Variants in PPP1R8 observed in about 807,000 individuals in gnomAD.
The protein encoded by PPP1R8 is nuclear inhibitor of protein phosphatase 1.
A neutral mutation model predicts 31.3 loss-of-function variants in PPP1R8; 4 were observed. The ratio of observed to expected loss-of-function variants is 0.13; its 90% confidence interval spans 0.06 to 0.29. The LOEUF (loss-of-function observed/expected upper bound fraction) is 0.29, where lower values mean the gene tolerates loss of function less well. Among genes scored for constraint, PPP1R8 ranks in the 10% least tolerant of loss-of-function variants. The pLI is 1.00. For synonymous variants in PPP1R8, 170 were observed against 169.7 expected (o/e 1.00, Z -0.01); for missense variants, 254 against 440.1 (o/e 0.58, Z 3.78).
At chr1:27,838,119 G>A (rs1205766362) in intron 2 of PPP1R8, among the ~76,000 whole-genome samples, 1 of 151,808 alleles carries the variant, frequency 6.6e-6, no homozygotes, top group African/African-American at 2.4e-5. Flanking sequence ...GCTGAGGCAG[G>A]AGAATTGCTT....
At chr1:27,848,323 T>C (rs1012929216) in intron 6 of PPP1R8, among the ~76,000 whole-genome samples, 3 of 151,906 alleles carry the variant, frequency 2.0e-5, no homozygotes, top group Admixed American at 6.6e-5. Context: ...GAGAATGGCG[T>C]GAACCCGGGG....
chr1:27,839,555 C>T (rs2089203000), intron 3 of PPP1R8, among the ~76,000 whole-genome samples: 2 of 151,964 alleles, frequency 1.3e-5, no homozygotes, highest in South Asian at 4.1e-4. Flanking sequence ...GAAAAAGGCA[C>T]CCAGGAACTA....
intron 1 of PPP1R8, among the ~76,000 whole-genome samples, chr1:27,831,856 A>G (rs758574472): frequency 6.6e-6 from 1 of 152,174 alleles, no homozygotes; most frequent in Non-Finnish European, 1.5e-5. Flanking sequence ...ACGTTTTTTC[A>G]TGTGCAAATC....
intron 5 of PPP1R8, among the ~76,000 whole-genome samples, chr1:27,843,573 T>C (rs1379477223): frequency 2.0e-5 from 3 of 151,540 alleles, no homozygotes; most frequent in Non-Finnish European, 4.4e-5. Flanking sequence ...GGCAGGAGAA[T>C]TGCTTGAACC....
At chr1:27,831,215 C>A in intron 1 of PPP1R8, 1 of 1,105,404 alleles carries the variant, frequency 9.0e-7, no homozygotes, top group Non-Finnish European at 1.1e-6. Context: ...GTGCCTGGTG[C>A]TCTCGTGGAG....
In PPP1R8 at chr1:27,837,690, T is replaced by C. The variant is rs1184137055; in HGVS notation, c.118-1009T>C. ...TTTGGGAGGCTGAGACAGGAGAATC[T>C]CTTGAACCCGGGAGGCGGAGGTTGC... is the stretch of plus-strand genomic sequence containing the variant. On this transcript the variant is annotated intron_variant, in intron 2 of 6. Transcript: ENST00000311772. Among the ~76,000 whole-genome samples the C allele has an allele frequency of 2.2e-5, 3 of 137,982 alleles. 1 individual carries two copies. Among genetic ancestry groups the C allele is most frequent in the Middle Eastern group, 9.6e-3 (2 of 208 alleles). The allele number at this position is 137,982 out of a possible 152,430, so 90.5% of individuals were successfully genotyped here.
intron 6 of PPP1R8, among the ~76,000 whole-genome samples, chr1:27,847,548 T>A (rs542521130): frequency 6.7e-6 from 1 of 149,248 alleles, no homozygotes; most frequent in African/African-American, 2.5e-5. Context: ...CTGGCCAACA[T>A]GTTGAAACCC....
intron 6 of PPP1R8, among the ~76,000 whole-genome samples, chr1:27,848,328 C>T (rs1464580102): frequency 1.3e-5 from 2 of 152,012 alleles, no homozygotes; most frequent in African/African-American, 4.8e-5. Flanking sequence ...TGGCGTGAAC[C>T]CGGGGGGCAG....
rs922998547 is a variant in PPP1R8, at chr1:27,851,376, C to G, written c.*930C>G. On this transcript the variant is annotated 3_prime_UTR_variant, in exon 7 of 7. Coordinates refer to ENST00000311772, the MANE Select transcript of PPP1R8 (RefSeq NM_014110.5). ...GTTATTCAGAGCTCCAAGACTAGAC[C>G]TGGCTAACAAACATAGGAGACAAAG... 8.6e-6 allele frequency: 3 copies of G among 349,400 alleles called. No homozygotes were observed. Among genetic ancestry groups the G allele is most frequent in the East Asian group, 7.5e-5 (1 of 13,398 alleles). The allele number at this position is 349,400 out of a possible 1,614,324, so 21.6% of individuals were successfully genotyped here.
In PPP1R8 at chr1:27,850,482, G is replaced by GTTTGGGGGGGA; in HGVS notation, c.*36_*37insTTTGGGGGGGA. 3 of 511,080 alleles carry GTTTGGGGGGGA rather than the reference G, an allele frequency of 5.9e-6. No individual in the cohort carries two copies. The highest frequency in any genetic ancestry group is 1.2e-5 in the Non-Finnish European group (3 of 253,768). 31.7% of individuals were successfully genotyped at this position (511,080 alleles called of 1,614,324 possible). A position where few individuals can be genotyped will look rare whatever the true frequency, so the allele number is the denominator to read the frequency against. ...CATGGAGAAGGGTGGGATTGGGTGG[G>GTTTGGGGGGGA]AATGGGGTGGAAGGGTGATGGGGAG... On this transcript the variant is annotated 3_prime_UTR_variant, in exon 7 of 7. Transcript: ENST00000311772.
intron 2 of PPP1R8, among the ~76,000 whole-genome samples, chr1:27,836,264 C>T (rs1240104729): frequency 1.3e-5 from 2 of 152,162 alleles, no homozygotes; most frequent in African/African-American, 4.8e-5. Flanking sequence ...ATTACTAGAC[C>T]ACTAGCACTG....
Position 27,838,754 on chromosome 1 carries a change from G to A in PPP1R8, c.173G>A (p.Cys58Tyr). 1 of 1,609,202 alleles carries A rather than the reference G, an allele frequency of 6.2e-7. No homozygotes were observed. Among genetic ancestry groups the A allele is most frequent in the Non-Finnish European group, 8.5e-7 (1 of 1,176,586 alleles). The change falls in exon 3 of 7, where the codon TGT becomes TAT. Residue 58 changes from cysteine (C) to tyrosine (Y), a missense_variant. Transcript: ENST00000311772. Reference sequence around the variant, plus strand: ...TTATTTGGGAGAAACCCTGATTTGTGTGACTTTACCATTGACCACCAGTCT... The same window carrying A: ...TTATTTGGGAGAAACCCTGATTTGTATGACTTTACCATTGACCACCAGTCT... ...YYLFGRNPDL[C>Y]DFTIDHQSCS...
At chr1:27,831,151 G>T in intron 1 of PPP1R8, 4 of 1,257,744 alleles carry the variant, frequency 3.2e-6, no homozygotes, top group Non-Finnish European at 4.0e-6. Context: ...CGATTAGCCA[G>T]TCGCCGGAGC....
intron 3 of PPP1R8, among the ~76,000 whole-genome samples, chr1:27,840,515 A>G (rs1201773701): frequency 1.3e-5 from 2 of 152,206 alleles, no homozygotes; most frequent in Non-Finnish European, 2.9e-5. Context: ...AAACCTAAGC[A>G]TAACTGCCAC....
At chr1:27,847,166 C>T (rs1352845048) in intron 6 of PPP1R8, 74 bp downstream of exon 6, 10 of 1,456,190 alleles carry the variant, frequency 6.9e-6, no homozygotes, top group African/African-American at 1.4e-5. Context: ...TTGGCTTATG[C>T]CTGTAATCCA....
At position 27,845,398 on chromosome 1, in the gene PPP1R8, AAAAG is replaced by A. The variant is rs1229481357; in HGVS notation, c.638-1618_638-1615del. 2.6e-4 allele frequency among the ~76,000 whole-genome samples: 39 copies of A among 151,408 alleles called. 1 individual carries two copies. Among genetic ancestry groups the A allele is most frequent in the East Asian group, 3.9e-4 (2 of 5,074 alleles). On this transcript the variant is annotated intron_variant, in intron 5 of 6. Transcript: ENST00000311772. ...GAGCAAGACTCCGTTTCAAAAAAAA[AAAAG>A]AAAGAAAGAAAATTAGTGCCCTCGA...
chr1:27,841,728 CT>C, intron 4 of PPP1R8, among the ~76,000 whole-genome samples: 1 of 152,264 alleles, frequency 6.6e-6, no homozygotes, highest in Non-Finnish European at 1.5e-5. Flanking sequence ...ATTCATGTAG[CT>C]TTTTTTGGTG....
In PPP1R8 at chr1:27,850,235, A is replaced by G; in HGVS notation, c.845A>G (p.His282Arg). 1.2e-6 allele frequency: 2 copies of G among 1,614,228 alleles called. No individual in the cohort carries two copies. The highest frequency in any genetic ancestry group is 1.7e-6 in the Non-Finnish European group (2 of 1,180,032). The change falls in exon 7 of 7, where the codon CAT becomes CGT. Residue 282 changes from histidine to arginine, a missense_variant. Around this residue, in one of 6 missense-constraint regions of PPP1R8, gnomAD observed 105 missense variants for 128.0 expected, o/e 0.82. Coordinates refer to ENST00000311772, the MANE Select transcript of PPP1R8 (RefSeq NM_014110.5). The stretch of plus-strand genomic sequence containing the variant: ...GCAGGCTCCCAGCCACATGGCATCC[A>G]TGGGACAGCACTCATCGGTGGCTTG... The part of the protein sequence containing the change: ...SEAGSQPHGI[H>R]GTALIGGLPM...
rs1322481365 is a variant in PPP1R8, at chr1:27,851,074, A to G, written c.*628A>G. ...TGACTGGTGCCATAGACACAGGTTT[A>G]TAGTTTTAACTTACAGTATTGTTTG... On this transcript the variant is annotated 3_prime_UTR_variant, in exon 7 of 7. Coordinates refer to ENST00000311772, the MANE Select transcript of PPP1R8 (RefSeq NM_014110.5). 6.4e-6 allele frequency: 1 copy of G among 156,666 alleles called. No homozygotes were observed. Among genetic ancestry groups the G allele is most frequent in the African/African-American group, 2.4e-5 (1 of 41,484 alleles). 9.7% of individuals were successfully genotyped at this position (156,666 alleles called of 1,614,324 possible).
Sources: allele counts gnomAD v4.1 joint callset (sites outside exome capture counted in the v4.1 genomes callset), GRCh38; gene constraint gnomAD v4.1.1; regional missense constraint gnomAD v4.1.1; transcripts MANE v1.5; gene names NCBI Gene and HGNC (gene_info 2026-07-23, HGNC 2026-07-21).